Variants in MAN2A2 observed in about 807,000 individuals in gnomAD.
The protein encoded by MAN2A2 is alpha-mannosidase 2x.
MAN2A2 carries 79 observed loss-of-function variants against 126.8 expected under a neutral mutation model. The observed-to-expected ratio is 0.62, with a 90% CI of 0.52 to 0.75. MAN2A2 has a LOEUF of 0.75. Among genes scored for constraint, MAN2A2 ranks in the 30% least tolerant of loss-of-function variants. The pLI is 0.00. For missense variants in MAN2A2, 1,392 were observed against 1,522.4 expected, an observed-to-expected ratio of 0.91 and a Z score of 1.43; for synonymous variants, 671 against 618.7, an observed-to-expected ratio of 1.08 and a Z score of -1.25.
chr15:90,913,255 C>T lies in MAN2A2; in HGVS notation c.2585-18C>T, dbSNP rs2034905415. The T allele has an allele frequency of 1.9e-6, 3 of 1,612,870 alleles. No individual in the cohort carries two copies. The highest frequency in any genetic ancestry group is 1.3e-5 in the African/African-American group (1 of 74,902). ...AGCCTCACACCTGTCCATGCCCCCACTTTGTTCCTGTACCCAGGGGTGGAG... is the reference window on the plus strand; with the variant it reads ...AGCCTCACACCTGTCCATGCCCCCATTTTGTTCCTGTACCCAGGGGTGGAG... On this transcript the variant is annotated intron_variant, in intron 17 of 22. Coordinates refer to ENST00000559717, the MANE Select transcript of MAN2A2 (RefSeq NM_006122.4).
chr15:90,916,704 G>A, intron 20 of MAN2A2: 1 of 1,274,632 alleles, frequency 7.8e-7, no homozygotes, highest in Non-Finnish European at 1.0e-6. Flanking sequence ...CGAGCAAGGT[G>A]TAGCTGCGCC....
chr15:90,913,090 C>G, intron 17 of MAN2A2, 99 bp downstream of exon 17: 1 of 1,161,348 alleles, frequency 8.6e-7, no homozygotes, highest in East Asian at 2.4e-5. Flanking sequence ...ACCTCTGTTC[C>G]GTATCATTTG....
In MAN2A2 at chr15:90,919,656, C is replaced by T; in HGVS notation, c.3322C>T (p.His1108Tyr). Residue 1108 changes from histidine to tyrosine, a missense_variant, in exon 23 of 23, where the codon CAT becomes TAT. His to Tyr is a moderately conservative substitution (Grantham distance 83). Transcript: ENST00000559717. ...QGKVALGSLF[H>Y]GLDVVFLQPT... ...ACAGGTAGCCCTGGGCAGCCTTTTC[C>T]ATGGCCTGGATGTGGTATTCCTTCA... 1 of 1,614,210 alleles carries T rather than the reference C, an allele frequency of 6.2e-7. No homozygotes were observed. Among genetic ancestry groups the T allele is most frequent in the Middle Eastern group, 1.7e-4 (1 of 6,054 alleles).
In MAN2A2 at chr15:90,916,224, C is replaced by T. The variant is rs1191452217; in HGVS notation, c.2962C>T (p.Leu988Phe). The stretch of plus-strand genomic sequence containing the variant: ...CAAGAGAACCTGCAACCGTTTCCGC[C>T]TCCTGCTAGAGCGGCGAACCGTGGG... ...DNKRTCNRFR[L>F]LLERRTVGSE... Residue 988 changes from leucine to phenylalanine, a missense_variant, in exon 20 of 23, where the codon CTC (leucine) becomes TTC (phenylalanine). Leu to Phe is a conservative substitution (Grantham distance 22). Transcript: ENST00000559717. 1 of 1,614,016 alleles carries T rather than the reference C, an allele frequency of 6.2e-7. No individual in the cohort carries two copies. Among genetic ancestry groups the T allele is most frequent in the Non-Finnish European group, 8.5e-7 (1 of 1,180,020 alleles).
intron 2 of MAN2A2, among the ~76,000 whole-genome samples, chr15:90,904,730 C>T (rs982759291): frequency 2.0e-5 from 3 of 152,062 alleles, no homozygotes; most frequent in Non-Finnish European, 4.4e-5. Context: ...GCTGGGACTA[C>T]AGGAGCCTGC....
rs201708326 is a variant in MAN2A2 at position 90,905,558 on chromosome 15, G to A, written c.391-21G>A. 3 of 1,614,174 alleles carry A rather than the reference G, an allele frequency of 1.9e-6. No individual in the cohort carries two copies. In the Admixed American group the frequency reaches 5.0e-5, roughly 27 times the overall value. On this transcript the variant is annotated intron_variant, in intron 3 of 22. Transcript: ENST00000559717. Reference sequence around the variant, plus strand: ...GTACAGTGGCCACGACTGGGGTACTGAGCTGCAGTTCACCTGGCAGATGCT... The same window carrying A: ...GTACAGTGGCCACGACTGGGGTACTAAGCTGCAGTTCACCTGGCAGATGCT...
Position 90,906,504 on chromosome 15 carries a change from C to A in MAN2A2, c.835+7C>A, listed in dbSNP as rs757223875. The A allele has an allele frequency of 1.2e-5, 19 of 1,613,988 alleles. No homozygotes were observed. Among genetic ancestry groups the A allele is most frequent in the Non-Finnish European group, 1.4e-5 (17 of 1,179,988 alleles). Reference sequence around the variant, plus strand: ...TGGCTGGAGAGAAATCTTGGTAAGTCCAGGCCCAGGCATGGGGGTCTGCCC... The same window carrying A: ...TGGCTGGAGAGAAATCTTGGTAAGTACAGGCCCAGGCATGGGGGTCTGCCC... On this transcript the variant is annotated splice_region_variant and intron_variant, in intron 6 of 22. Transcript: ENST00000559717.
Position 90,918,304 on chromosome 15 carries a change from C to A in MAN2A2, c.3105C>A (p.Gly1035=). 6.2e-7 allele frequency: 1 copy of A among 1,614,184 alleles called. No homozygotes were observed. The highest frequency in any genetic ancestry group is 2.2e-5 in the East Asian group (1 of 44,872). The stretch of plus-strand genomic sequence containing the variant: ...CTGTAGCCAGGATGCAGCTCCCAGG[C>A]CCTGGTCTGCGCTCATTTCATCCTC... ...ALPVARMQLP[G]PGLRSFHPLA... The change falls in exon 21 of 23, where the codon GGC becomes GGA. Residue 1035 remains glycine, a synonymous_variant. Transcript: ENST00000559717.
At chr15:90,909,213 C>T (rs980522144) in intron 8 of MAN2A2, 114 bp from the exon 9 acceptor site, 69 of 1,036,342 alleles carry the variant, frequency 6.7e-5, no homozygotes, top group Non-Finnish European at 8.9e-5. Context: ...TTGCGCTGAA[C>T]CACTCCTTGG....
At chr15:90,918,781 C>T in intron 22 of MAN2A2, 26 bp downstream of exon 22, 1 of 1,464,742 alleles carries the variant, frequency 6.8e-7, no homozygotes, top group Non-Finnish European at 9.5e-7. Context: ...AAACAGAGCA[C>T]CTAGGAATGG....
chr15:90,906,150 G>A, intron 5 of MAN2A2, 134 bp downstream of exon 5: 1 of 1,377,474 alleles, frequency 7.3e-7, no homozygotes, highest in Non-Finnish European at 1.0e-6. Flanking sequence ...GAGTGATGGT[G>A]GAGGGAGGGA....
rs1596154647 is a variant in MAN2A2 at position 90,910,371 on chromosome 15, A to G, written c.1577+79A>G. ...TTAAGGAGGGGCTGGATTGGCTCAG[A>G]AGGGAATAGATAGGCCCAGAGGCCA... On this transcript the variant is annotated intron_variant, in intron 10 of 22. Coordinates refer to ENST00000559717, the MANE Select transcript of MAN2A2 (RefSeq NM_006122.4). 1.9e-6 allele frequency: 3 copies of G among 1,585,488 alleles called. No individual in the cohort carries two copies. The East Asian group carries it at 6.7e-5, about 36-fold the overall frequency.
At chr15:90,907,701 T>G (rs1319326148) in intron 8 of MAN2A2, among the ~76,000 whole-genome samples, 2 of 152,228 alleles carry the variant, frequency 1.3e-5, no homozygotes, top group African/African-American at 4.8e-5. Flanking sequence ...CATGAGTACT[T>G]CTTGATGCCC....
At position 90,919,856 on chromosome 15, in the gene MAN2A2, A is replaced by G; in HGVS notation, c.*69A>G. On this transcript the variant is annotated 3_prime_UTR_variant, in exon 23 of 23. Transcript: ENST00000559717. The stretch of plus-strand genomic sequence containing the variant: ...CTCTTAACATGAAGATCATTGGACA[A>G]GCCACACGGGTATCCCATCCCGATC... The G allele has an allele frequency of 6.4e-7, 1 of 1,569,064 alleles. No homozygotes were observed. The highest frequency in any genetic ancestry group is 2.2e-5 in the East Asian group (1 of 44,552).
chr15:90,914,263 G>A (rs1446696330), intron 19 of MAN2A2, among the ~76,000 whole-genome samples: 1 of 152,174 alleles, frequency 6.6e-6, no homozygotes, highest in East Asian at 1.9e-4. Flanking sequence ...CCAGGAGCTG[G>A]AGGCTGCAGT....
At chr15:90,906,984 CT>C in intron 7 of MAN2A2, 71 bp downstream of exon 7, 1 of 1,550,660 alleles carries the variant, frequency 6.4e-7, no homozygotes, top group Non-Finnish European at 8.8e-7. Flanking sequence ...GATATCAGAA[CT>C]AAGACCCCCA....
intron 19 of MAN2A2, among the ~76,000 whole-genome samples, chr15:90,914,422 T>C (rs1430762445): frequency 1.3e-5 from 2 of 152,244 alleles, no homozygotes; most frequent in African/African-American, 4.8e-5. Flanking sequence ...AGGGACAGCT[T>C]GTAAAGTGCA....
chr15:90,905,300 T>G lies in MAN2A2; in HGVS notation c.182T>G (p.Leu61Trp), dbSNP rs1255842552. 1 of 1,613,702 alleles carries G rather than the reference T, an allele frequency of 6.2e-7. No individual in the cohort carries two copies. The highest frequency in any genetic ancestry group is 8.5e-7 in the Non-Finnish European group (1 of 1,180,034). The change falls in exon 3 of 23, where the codon TTG becomes TGG. Residue 61 changes from leucine (L) to tryptophan (W), a missense_variant. Coordinates refer to ENST00000559717, the MANE Select transcript of MAN2A2 (RefSeq NM_006122.4). ...CGCATTGAGCAGCTGGAGCAGCTTT[T>G]GGAGGAGAACCATGAGATTATCAGC... Reference protein sequence around the residue: ...QNRIEQLEQLLEENHEIISHI... With the variant: ...QNRIEQLEQLWEENHEIISHI...
Position 90,906,403 on chromosome 15 carries a change from A to G in MAN2A2, c.741A>G (p.Thr247=). The change falls in exon 6 of 23, where the codon ACA becomes ACG. Residue 247 remains threonine (T), a synonymous_variant. Transcript: ENST00000559717. ...LVGNGQLEIA[T]GGWVMPDEAN... ...GAAACGGGCAGCTGGAGATTGCGAC[A>G]GGAGGCTGGGTGATGCCAGATGAGG... is the stretch of plus-strand genomic sequence containing the variant. 6.2e-7 allele frequency: 1 copy of G among 1,614,166 alleles called. No homozygotes were observed. Among genetic ancestry groups the G allele is most frequent in the South Asian group, 1.1e-5 (1 of 91,086 alleles).
Sources: allele counts gnomAD v4.1 joint callset (sites outside exome capture counted in the v4.1 genomes callset), GRCh38; gene constraint gnomAD v4.1.1; transcripts MANE v1.5; gene names NCBI Gene and HGNC (gene_info 2026-07-23, HGNC 2026-07-21).